The following UBAC2 variants were observed in gnomAD, a reference collection of about 807,000 sequenced individuals.
UBAC2 encodes the protein ubiquitin-associated domain-containing protein 2.
A neutral mutation model predicts 44.0 loss-of-function variants in UBAC2; 26 were observed. The observed-to-expected ratio is 0.59, with a 90% CI of 0.43 to 0.82. UBAC2 has a LOEUF of 0.82. UBAC2 is among the 40% of genes least tolerant of loss of function. UBAC2 has a pLI of 0.00. For missense variants in UBAC2, 329 were observed against 419.4 expected (o/e 0.78, Z 1.88); for synonymous variants, 155 against 154.3 (o/e 1.00, Z -0.04).
chr13:99,200,965 G>C (rs755324448), intron 1 of UBAC2, 26 bp downstream of exon 1: 1 of 1,303,944 alleles, frequency 7.7e-7, no homozygotes, highest in South Asian at 3.1e-5. Flanking sequence ...CGCCATCCTG[G>C]CTGCCCCCTA....
intron 4 of UBAC2, among the ~76,000 whole-genome samples, chr13:99,287,453 G>T: frequency 6.6e-6 from 1 of 151,634 alleles, no homozygotes; most frequent in East Asian, 1.9e-4. Flanking sequence ...TTGAGACAGG[G>T]TCTCACTCTC....
rs76778832 is a variant in UBAC2, at chr13:99,273,575, C to A, written c.389+28951C>A. 2.4e-3 allele frequency among the ~76,000 whole-genome samples: 363 copies of A among 152,150 alleles called. 2 individuals are homozygous for A. The highest frequency in any genetic ancestry group is 8.3e-3 in the African/African-American group (345 of 41,514). ...ATGCTATCTCTTGGTAGGTACCTACCTCTTAAGGTAGGTACCTTGCAGTGT... is the reference window on the plus strand; with the variant it reads ...ATGCTATCTCTTGGTAGGTACCTACATCTTAAGGTAGGTACCTTGCAGTGT... On this transcript the variant is annotated intron_variant, in intron 4 of 8. Transcript: ENST00000403766.
intron 6 of UBAC2, among the ~76,000 whole-genome samples, chr13:99,331,271 G>A (rs2044713044): frequency 1.3e-5 from 2 of 152,156 alleles, no homozygotes. Flanking sequence ...CAGTTAAGAT[G>A]TTTGGAGCTT....
chr13:99,367,449 A>G (rs192877877), intron 7 of UBAC2, among the ~76,000 whole-genome samples: 68 of 152,262 alleles, frequency 4.5e-4, no homozygotes, highest in Admixed American at 3.0e-3. Flanking sequence ...CCTAAGAGTT[A>G]ACTGGAGTTG....
chr13:99,227,867 TC>T (rs1477358598), intron 1 of UBAC2, among the ~76,000 whole-genome samples: 17 of 152,320 alleles, frequency 1.1e-4, no homozygotes, highest in African/African-American at 3.8e-4. Flanking sequence ...AGTTTGGTAT[TC>T]AAGTTGGGAG....
In UBAC2 at chr13:99,295,132, G is replaced by A. The variant is rs751642017; in HGVS notation, c.390-18965G>A. 6.2e-7 allele frequency: 1 copy of A among 1,613,866 alleles called. No individual in the cohort carries two copies. Among genetic ancestry groups the A allele is most frequent in the African/African-American group, 1.3e-5 (1 of 74,856 alleles). On this transcript the variant is annotated intron_variant, in intron 4 of 8. Coordinates refer to ENST00000403766, the MANE Select transcript of UBAC2 (RefSeq NM_001144072.2). This position sits in a 1 kb window ranked among gnomAD's most constrained non-coding sequence, Gnocchi z 4.1. ...TCATTTCACGTGAATTTTCTTCAGG[G>A]GCTGACTTCACAGCACTAGAAATCG...
intron 6 of UBAC2, among the ~76,000 whole-genome samples, chr13:99,335,366 C>T (rs376613539): frequency 2.0e-5 from 3 of 148,720 alleles, no homozygotes; most frequent in Non-Finnish European, 3.0e-5. Flanking sequence ...TCCTTGCCTC[C>T]AATTCATTAC....
chr13:99,348,525 A>G (rs868625748), intron 7 of UBAC2, among the ~76,000 whole-genome samples: 4 of 152,226 alleles, frequency 2.6e-5, no homozygotes, highest in East Asian at 1.9e-4. Context: ...TGAGGTTCCT[A>G]TAAGAAAGAG....
At chr13:99,223,395 A>G (rs910309888) in intron 1 of UBAC2, among the ~76,000 whole-genome samples, 1 of 152,018 alleles carries the variant, frequency 6.6e-6, no homozygotes, top group African/African-American at 2.4e-5. Context: ...GAAGTGTATC[A>G]GTTTTATTGA....
chr13:99,329,001 G>T (rs1280132255), intron 6 of UBAC2, among the ~76,000 whole-genome samples: 1 of 152,102 alleles, frequency 6.6e-6, no homozygotes, highest in African/African-American at 2.4e-5. Flanking sequence ...TGAGGTAAAG[G>T]GTAAGATTTA....
At chr13:99,268,665 A>G (rs1484435763) in intron 4 of UBAC2, among the ~76,000 whole-genome samples, 1 of 151,328 alleles carries the variant, frequency 6.6e-6, no homozygotes, top group Non-Finnish European at 1.5e-5. Flanking sequence ...GGTAAGAGAG[A>G]GAACATTAGG....
chr13:99,271,339 A>G (rs1594074508), intron 4 of UBAC2, among the ~76,000 whole-genome samples: 1 of 152,122 alleles, frequency 6.6e-6, no homozygotes. Flanking sequence ...GATATTGGGG[A>G]AAGTATTCCA....
intron 1 of UBAC2, among the ~76,000 whole-genome samples, chr13:99,228,066 G>A (rs1184113102): frequency 6.6e-6 from 1 of 152,114 alleles, no homozygotes; most frequent in Non-Finnish European, 1.5e-5. Flanking sequence ...ATGTTGAGTT[G>A]CTCAGAAGCT....
chr13:99,221,162 A>G (rs1184312224), intron 1 of UBAC2, among the ~76,000 whole-genome samples: 1 of 152,164 alleles, frequency 6.6e-6, no homozygotes, highest in African/African-American at 2.4e-5. Context: ...TCACTATTAT[A>G]AACAGTGCTG....
intron 1 of UBAC2, among the ~76,000 whole-genome samples, chr13:99,221,677 C>T (rs932719063): frequency 3.5e-4 from 54 of 152,196 alleles, no homozygotes; most frequent in Non-Finnish European, 6.2e-4. Context: ...GATAAAAATG[C>T]TGCCCTGTTC....
At chr13:99,220,527 A>G (rs2043041988) in intron 1 of UBAC2, among the ~76,000 whole-genome samples, 2 of 152,252 alleles carry the variant, frequency 1.3e-5, no homozygotes, top group South Asian at 4.1e-4. Flanking sequence ...CCAAAGAGAA[A>G]TCAGACCCAA....
chr13:99,280,697 C>T (rs1417393090), intron 4 of UBAC2, among the ~76,000 whole-genome samples: 1 of 152,218 alleles, frequency 6.6e-6, no homozygotes, highest in African/African-American at 2.4e-5. Context: ...ACCAAAGGGA[C>T]AAAGAAAGCT....
intron 8 of UBAC2, among the ~76,000 whole-genome samples, chr13:99,381,707 A>G (rs1041848692): frequency 6.6e-6 from 1 of 152,204 alleles, no homozygotes; most frequent in East Asian, 1.9e-4. Context: ...TTCCTTCCAC[A>G]TGACACATAT....
intron 1 of UBAC2, among the ~76,000 whole-genome samples, chr13:99,224,741 T>TA (rs2043092003): frequency 6.6e-6 from 1 of 152,262 alleles, no homozygotes; most frequent in African/African-American, 2.4e-5. Context: ...ATATGATTTT[T>TA]AAAAATGCAT....
Sources: gnomAD v4.1 joint callset for allele counts (sites outside exome capture counted in the v4.1 genomes callset) on GRCh38, gnomAD v4.1.1 for gene constraint, Gnocchi (gnomAD v3.1) non-coding constraint, MANE v1.5 for transcripts, NCBI Gene and HGNC (gene_info 2026-07-23, HGNC 2026-07-21) for gene names.